Variants in GAS7 observed in about 807,000 individuals in gnomAD.
GAS7 encodes growth arrest specific 7, also known as growth arrest-specific protein 7.
In GAS7, 28 loss-of-function variants were observed where a neutral mutation model predicts 71.1. The observed-to-expected ratio is 0.39, with a 90% CI of 0.29 to 0.54. The LOEUF is 0.54. GAS7 is among the 20% of genes least tolerant of loss of function. GAS7 has a pLI of 0.62. For synonymous variants in GAS7, 258 were observed against 245.8 expected, an observed-to-expected ratio of 1.05 and a Z score of -0.46; for missense variants, 436 against 627.8, an observed-to-expected ratio of 0.69 and a Z score of 3.27.
intron 1 of GAS7, among the ~76,000 whole-genome samples, chr17:10,100,640 C>T (rs548972290): frequency 6.6e-6 from 1 of 152,198 alleles, no homozygotes; most frequent in Non-Finnish European, 1.5e-5. Context: ...GGGGCTGATC[C>T]ACCTCCCAAC....
chr17:9,962,263 CACACGTG>C (rs1249386822), intron 4 of GAS7, among the ~76,000 whole-genome samples: 3 of 151,964 alleles, frequency 2.0e-5, no homozygotes, highest in Non-Finnish European at 4.4e-5. Flanking sequence ...CACACACACA[CACACGTG>C]ACACACACAC....
intron 1 of GAS7, among the ~76,000 whole-genome samples, chr17:10,023,800 T>C (rs1266831437): frequency 6.6e-6 from 1 of 152,194 alleles, no homozygotes. Context: ...ATGGTAAATA[T>C]TTTGTCATGT....
At chr17:10,111,664 C>T (rs992688437) in intron 1 of GAS7, among the ~76,000 whole-genome samples, 2 of 152,134 alleles carry the variant, frequency 1.3e-5, no homozygotes, top group Admixed American at 6.5e-5. Flanking sequence ...AGCCTGGAGA[C>T]AGGGCAAGAC....
chr17:10,052,187 C>G (rs116365900), intron 1 of GAS7, among the ~76,000 whole-genome samples: 1 of 152,088 alleles, frequency 6.6e-6, no homozygotes, highest in Non-Finnish European at 1.5e-5. Flanking sequence ...GGTCCCTGAC[C>G]GAGAACTGCA....
intron 5 of GAS7, among the ~76,000 whole-genome samples, chr17:9,949,509 C>G (rs2068919598): frequency 6.6e-6 from 1 of 152,184 alleles, no homozygotes; most frequent in African/African-American, 2.4e-5. Context: ...AGAAGTAAAT[C>G]TAGCGCACAC....
chr17:10,175,670 A>G (rs1345146168), intron 1 of GAS7, among the ~76,000 whole-genome samples: 2 of 151,742 alleles, frequency 1.3e-5, no homozygotes, highest in Non-Finnish European at 2.9e-5. Flanking sequence ...TTTTCTTTTT[A>G]TTTGTACTTT....
chr17:10,153,210 A>AAAAAAGAAACAAAGCAAAAC (rs2074180259), intron 1 of GAS7, among the ~76,000 whole-genome samples: 1 of 145,274 alleles, frequency 6.9e-6, no homozygotes, highest in Non-Finnish European at 1.5e-5. Context: ...CCTCCGTCTC[A>AAAAAAGAAACAAAGCAAAAC]AAAAAAAAAC....
chr17:10,178,402 T>G (rs570639928), intron 1 of GAS7, among the ~76,000 whole-genome samples: 1 of 152,096 alleles, frequency 6.6e-6, no homozygotes, highest in African/African-American at 2.4e-5. Flanking sequence ...GGACTCTGCA[T>G]AGATGAGGAA....
At chr17:9,938,233 G>A (rs116934776) in intron 8 of GAS7, among the ~76,000 whole-genome samples, 2,579 of 152,112 alleles carry the variant, frequency 0.017, 32 homozygotes, top group Non-Finnish European at 0.028. Context: ...TTGGCCAGGC[G>A]CGATGGATCA....
intron 6 of GAS7, 98 bp downstream of exon 6, chr17:9,946,796 G>T (rs754803455): frequency 1.4e-6 from 1 of 702,522 alleles, no homozygotes; most frequent in Non-Finnish European, 2.5e-6. Flanking sequence ...AACGAGAAAG[G>T]CCCCTCCACT....
intron 5 of GAS7, 25 bp from the exon 6 acceptor site, chr17:9,947,008 A>T (rs942044282): frequency 1.3e-6 from 2 of 1,513,376 alleles, no homozygotes; most frequent in African/African-American, 2.7e-5. Flanking sequence ...ACAAGAAAGA[A>T]TGACCCCGCT....
chr17:10,129,068 G>A lies in GAS7; in HGVS notation c.183+69140C>T, dbSNP rs1174239298. On this transcript the variant is annotated intron_variant, in intron 1 of 13. Coordinates refer to ENST00000432992, the MANE Select transcript of GAS7 (RefSeq NM_201433.2). ...CTTAAATAAATAACATAGGTAAGAGGAGCCTTGATAGCAAAAACGCCAAGA... is the reference window on the plus strand; with the variant it reads ...CTTAAATAAATAACATAGGTAAGAGAAGCCTTGATAGCAAAAACGCCAAGA... Among the ~76,000 whole-genome samples, 6 of 152,120 alleles carry A rather than the reference G, an allele frequency of 3.9e-5. No individual in the cohort carries two copies. In the East Asian group the frequency reaches 7.7e-4, roughly 20 times the overall value.
At chr17:10,007,229 G>A (rs964929438) in intron 2 of GAS7, among the ~76,000 whole-genome samples, 3 of 152,134 alleles carry the variant, frequency 2.0e-5, no homozygotes, top group South Asian at 2.1e-4. Context: ...TAGAATCTGC[G>A]TATTGTTTTG....
At chr17:10,027,659 C>T (rs556677900) in intron 1 of GAS7, among the ~76,000 whole-genome samples, 46 of 152,354 alleles carry the variant, frequency 3.0e-4, no homozygotes, top group African/African-American at 1.1e-3. Flanking sequence ...ATCTTGGAGG[C>T]AGACAACAGT....
chr17:10,033,528 T>C (rs967541583), intron 1 of GAS7, among the ~76,000 whole-genome samples: 1 of 152,198 alleles, frequency 6.6e-6, no homozygotes, highest in Non-Finnish European at 1.5e-5. Flanking sequence ...CCAAAGTTGC[T>C]AGCTGGATCA....
At chr17:10,196,484 T>G (rs958316092) in intron 1 of GAS7, among the ~76,000 whole-genome samples, 6 of 152,180 alleles carry the variant, frequency 3.9e-5, no homozygotes, top group Non-Finnish European at 8.8e-5. Context: ...ACCAGAGATC[T>G]CTTACCTTTG....
At chr17:10,096,030 C>T (rs1462951955) in intron 1 of GAS7, among the ~76,000 whole-genome samples, 1 of 152,082 alleles carries the variant, frequency 6.6e-6, no homozygotes, top group African/African-American at 2.4e-5. Context: ...GCTTTCTCCC[C>T]CACAGCATTC....
intron 1 of GAS7, among the ~76,000 whole-genome samples, chr17:10,124,472 G>C (rs2073929308): frequency 6.6e-6 from 1 of 152,214 alleles, no homozygotes; most frequent in Non-Finnish European, 1.5e-5. Context: ...TGGCAGATCG[G>C]GGCTCTGGCC....
chr17:10,066,116 G>A (rs759141514), intron 1 of GAS7, among the ~76,000 whole-genome samples: 2 of 152,174 alleles, frequency 1.3e-5, no homozygotes, highest in Non-Finnish European at 2.9e-5. Context: ...ATGGCGTAGG[G>A]TAGGAAGGCA....
Sources: gnomAD v4.1 joint callset for allele counts (sites outside exome capture counted in the v4.1 genomes callset) on GRCh38, gnomAD v4.1.1 for gene constraint, MANE v1.5 for transcripts, NCBI Gene and HGNC (gene_info 2026-07-23, HGNC 2026-07-21) for gene names.